MYCBP2: variants seen among roughly 807,000 people sequenced by gnomAD.
MYCBP2 encodes the protein E3 ubiquitin-protein ligase MYCBP2.
Under a neutral mutation model 525.3 loss-of-function variants are expected in MYCBP2, and 120 were observed. That is an observed-to-expected ratio of 0.23 (90% CI 0.20 to 0.27). The LOEUF is 0.27. MYCBP2 is among the 10% of genes least tolerant of loss of function. MYCBP2 has a pLI of 1.00. For missense variants in MYCBP2, 4,149 were observed against 5,657.1 expected (o/e 0.73, Z 8.55); for synonymous variants, 1,894 against 1,955.8 (o/e 0.97, Z 0.83).
chr13:77,306,308 A>C (rs1409978140), intron 1 of MYCBP2, among the ~76,000 whole-genome samples: 2 of 152,196 alleles, frequency 1.3e-5, no homozygotes, highest in African/African-American at 4.8e-5. Flanking sequence ...TCAATGAATA[A>C]ATTAGGGAGG....
At position 77,081,246 on chromosome 13, in the gene MYCBP2, C is replaced by T. The variant is rs1215376647; in HGVS notation, c.11418+181G>A. 3 of 584,954 alleles carry T rather than the reference C, an allele frequency of 5.1e-6. No individual in the cohort carries two copies. Among genetic ancestry groups the T allele is most frequent in the African/African-American group, 3.7e-5 (2 of 53,412 alleles). 36.2% of individuals were successfully genotyped at this position (584,954 alleles called of 1,614,324 possible). A position where few individuals can be genotyped will look rare whatever the true frequency, so the allele number is the denominator to read the frequency against. On this transcript the variant is annotated intron_variant, in intron 65 of 82. Coordinates refer to ENST00000544440, the MANE Select transcript of MYCBP2 (RefSeq NM_015057.5). This position sits in a 1 kb window ranked among gnomAD's most constrained non-coding sequence, Gnocchi z 4.6. ...ACCTCTTTTCAGAAATGGAATTCCACAGTGCTCCCAATCATATTAATTTGT... is the reference window on the plus strand; with the variant it reads ...ACCTCTTTTCAGAAATGGAATTCCATAGTGCTCCCAATCATATTAATTTGT...
chr13:77,166,071 CAACGTT>C (rs906501959), intron 41 of MYCBP2, among the ~76,000 whole-genome samples: 1 of 152,150 alleles, frequency 6.6e-6, no homozygotes, highest in African/African-American at 2.4e-5. Flanking sequence ...AGCTACTCCT[CAACGTT>C]AACACTCTGC....
chr13:77,249,407 T>C (rs1448759440), intron 15 of MYCBP2, among the ~76,000 whole-genome samples: 1 of 152,214 alleles, frequency 6.6e-6, no homozygotes, highest in African/African-American at 2.4e-5. Flanking sequence ...GTATTGTCCA[T>C]GTAAGTCTAT....
chr13:77,088,727 T>C, intron 61 of MYCBP2, 105 bp downstream of exon 61: 1 of 1,011,690 alleles, frequency 9.9e-7, no homozygotes, highest in Non-Finnish European at 1.5e-6. Context: ...CTAATGCCTT[T>C]TAATTTCACA....
intron 62 of MYCBP2, 67 bp from the exon 63 acceptor site, chr13:77,083,259 AT>A: frequency 7.2e-7 from 1 of 1,383,028 alleles, no homozygotes; most frequent in Non-Finnish European, 9.7e-7. Flanking sequence ...ACAAAAGACT[AT>A]TATGTATACT....
chr13:77,218,661 G>A (rs985723235), intron 20 of MYCBP2, among the ~76,000 whole-genome samples: 5 of 152,152 alleles, frequency 3.3e-5, no homozygotes, highest in Non-Finnish European at 7.4e-5. Flanking sequence ...AGGCCCATAC[G>A]TGTCAAGTAC....
chr13:77,066,123 A>G (rs752260002), intron 71 of MYCBP2, 35 bp from the exon 72 acceptor site: 1 of 1,396,914 alleles, frequency 7.2e-7, no homozygotes, highest in Non-Finnish European at 1.0e-6. Flanking sequence ...AAGCCAATAA[A>G]TTATCAGTAG....
intron 61 of MYCBP2, among the ~76,000 whole-genome samples, chr13:77,088,307 C>G (rs1297308674): frequency 6.6e-6 from 1 of 152,042 alleles, no homozygotes; most frequent in Non-Finnish European, 1.5e-5. Flanking sequence ...ATCTCAAGCT[C>G]TAGGCAAGCA....
chr13:77,326,887 G>C lies in MYCBP2; in HGVS notation c.-112C>G, dbSNP rs2082385844. On this transcript the variant is annotated 5_prime_UTR_variant, in exon 1 of 83. Transcript: ENST00000544440. The surrounding 1 kb of genome is among the most constrained non-coding windows in gnomAD (Gnocchi z 4.2). ...ACGACGGCTCCGGCGGCGGCCTCTG[G>C]CTCCCGCAGCAGGGAGACTACAAAG... The C allele has an allele frequency of 2.9e-6, 3 of 1,022,628 alleles. 1 individual carries two copies. Among genetic ancestry groups the C allele is most frequent in the African/African-American group, 3.4e-5 (2 of 58,906 alleles). The allele number at this position is 1,022,628 out of a possible 1,614,324, so 63.3% of individuals were successfully genotyped here.
chr13:77,087,388 A>G (rs1192724252), intron 62 of MYCBP2, 96 bp downstream of exon 62: 61 of 1,067,094 alleles, frequency 5.7e-5, no homozygotes, highest in Non-Finnish European at 7.9e-5. Flanking sequence ...TTCAAGTTAG[A>G]TCTGCGAATG....
intron 52 of MYCBP2, among the ~76,000 whole-genome samples, chr13:77,128,094 T>C (rs1184642051): frequency 6.6e-6 from 1 of 151,866 alleles, no homozygotes; most frequent in Non-Finnish European, 1.5e-5. Flanking sequence ...ATACTCATCA[T>C]ATATATTTGT....
At chr13:77,121,987 T>C (rs1025000066) in intron 54 of MYCBP2, among the ~76,000 whole-genome samples, 4 of 151,974 alleles carry the variant, frequency 2.6e-5, no homozygotes, top group African/African-American at 9.7e-5. Context: ...TATGGAAAAC[T>C]TAACTTTTAA....
At chr13:77,059,101 A>G (rs1490733142) in intron 77 of MYCBP2, among the ~76,000 whole-genome samples, 1 of 151,812 alleles carries the variant, frequency 6.6e-6, no homozygotes, top group Non-Finnish European at 1.5e-5. Flanking sequence ...CTCTCTGAGC[A>G]TATCCACATT....
At position 77,261,391 on chromosome 13, in the gene MYCBP2, A is replaced by AG. The variant is rs1234906942; in HGVS notation, c.1648-17_1648-16insC. 2 of 1,577,282 alleles carry AG rather than the reference A, an allele frequency of 1.3e-6. No individual in the cohort carries two copies. The highest frequency in any genetic ancestry group is 2.7e-5 in the African/African-American group (2 of 73,012). On this transcript the variant is annotated splice_polypyrimidine_tract_variant and intron_variant, in intron 11 of 82. Coordinates refer to ENST00000544440, the MANE Select transcript of MYCBP2 (RefSeq NM_015057.5). ...TGTAATATATCTTATGTATTAAAAA[A>AG]AAAAAGGAATTATGGTACTTTTTGG...
At chr13:77,305,236 C>G (rs1034158817) in intron 1 of MYCBP2, among the ~76,000 whole-genome samples, 1 of 151,994 alleles carries the variant, frequency 6.6e-6, no homozygotes, top group Non-Finnish European at 1.5e-5. Context: ...ACCAATATCT[C>G]CTATGAACAT....
intron 30 of MYCBP2, 111 bp downstream of exon 30, chr13:77,188,840 G>C: frequency 1.7e-6 from 1 of 604,306 alleles, no homozygotes; most frequent in Non-Finnish European, 2.6e-6. Flanking sequence ...AACCAAATCT[G>C]AGTTTATAAA....
At chr13:77,153,845 C>CCATCAGT (rs2056865317) in intron 46 of MYCBP2, among the ~76,000 whole-genome samples, 1 of 152,052 alleles carries the variant, frequency 6.6e-6, no homozygotes, top group South Asian at 2.1e-4. Context: ...TTTTATCCAA[C>CCATCAGT]ACTGTCAGAC....
At chr13:77,060,506 G>C (rs922196202) in intron 76 of MYCBP2, among the ~76,000 whole-genome samples, 1 of 152,302 alleles carries the variant, frequency 6.6e-6, no homozygotes. Context: ...GCAGACTGCA[G>C]ATGTGCTGAA....
Position 77,093,273 on chromosome 13 carries a change from C to T in MYCBP2, c.10259G>A (p.Arg3420Lys), listed in dbSNP as rs764136730. The change falls in exon 59 of 83, where the codon AGA becomes AAA. Residue 3420 changes from arginine to lysine, a missense_variant. Arg to Lys is a conservative substitution (Grantham distance 26). This residue lies in a region of MYCBP2 where 509 missense variants were observed against 789.4 expected (regional missense o/e 0.64). Coordinates refer to ENST00000544440, the MANE Select transcript of MYCBP2 (RefSeq NM_015057.5). ...QDDNLFQDEM[R>K]YLRSTSVPAP... ...AGGTACAGATGTTGAACGTAGATAT[C>T]TCATTTCATCCTGGAATAGATTGTC... The T allele has an allele frequency of 6.2e-7, 1 of 1,613,426 alleles. No individual in the cohort carries two copies. Among genetic ancestry groups the T allele is most frequent in the Admixed American group, 1.7e-5 (1 of 59,970 alleles).
Sources: gnomAD v4.1 joint callset for allele counts (sites outside exome capture counted in the v4.1 genomes callset) on GRCh38, gnomAD v4.1.1 for gene constraint, gnomAD v4.1.1 regional missense constraint, Gnocchi (gnomAD v3.1) non-coding constraint, MANE v1.5 for transcripts, NCBI Gene and HGNC (gene_info 2026-07-23, HGNC 2026-07-21) for gene names.